The following EMC1 variants were observed in gnomAD, a reference collection of about 807,000 sequenced individuals.
EMC1 encodes the protein KIAA0090.
EMC1 carries 103 observed loss-of-function variants against 128.8 expected under a neutral mutation model. The observed-to-expected ratio is 0.80, with a 90% CI of 0.68 to 0.94. The LOEUF is 0.94. EMC1 is among the 40% of genes least tolerant of loss of function. EMC1 has a pLI of 0.00. For synonymous variants in EMC1, 442 were observed against 490.4 expected (o/e 0.90, Z 1.30); for missense variants, 1,083 against 1,250.6 (o/e 0.87, Z 2.02).
chr1:19,244,841 G>T, intron 2 of EMC1, 65 bp downstream of exon 2: 1 of 1,584,376 alleles, frequency 6.3e-7, no homozygotes, highest in Non-Finnish European at 8.7e-7. Context: ...CAGCCAGGCA[G>T]AGTTGGCAAT....
Position 19,219,316 on chromosome 1 carries a change from C to CG in EMC1, c.2968dup (p.Arg990ProfsTer12), listed in dbSNP as rs1558088196. The CG allele has an allele frequency of 6.2e-7, 1 of 1,613,992 alleles. No individual in the cohort carries two copies. Among genetic ancestry groups the CG allele is most frequent in the Admixed American group, 1.7e-5 (1 of 59,976 alleles). On this transcript the variant is annotated frameshift_variant, in exon 23 of 23. Coordinates refer to ENST00000477853, the MANE Select transcript of EMC1 (RefSeq NM_015047.3). LOFTEE classifies it high-confidence loss of function. ...AGTCTTTGTTCTTTATCGCCAGGCC[C>CG]GATTCAGGAGCTTCACCTGTGCCAG...
rs1244709866 is a variant in EMC1 at position 19,218,451 on chromosome 1, C to T, written c.*852G>A. On this transcript the variant is annotated 3_prime_UTR_variant, in exon 23 of 23. Transcript: ENST00000477853. ...AAATAATGGGGTTCTTAAACAAGGA[C>T]ATCTTTAACTAGGTTATGATTAGAC... is the stretch of plus-strand genomic sequence containing the variant. 6.6e-6 allele frequency: 1 copy of T among 152,170 alleles called. No individual in the cohort carries two copies. Among genetic ancestry groups the T allele is most frequent in the African/African-American group, 2.4e-5 (1 of 41,432 alleles). 9.4% of individuals were successfully genotyped at this position (152,170 alleles called of 1,614,324 possible). A position where few individuals can be genotyped will look rare whatever the true frequency, so the allele number is the denominator to read the frequency against.
intron 17 of EMC1, chr1:19,229,498 T>C (rs75097427): frequency 9.6e-4 from 147 of 152,332 alleles, no homozygotes; most frequent in African/African-American, 3.3e-3. Context: ...TTCACTCAGA[T>C]GATGTCCTCA....
intron 5 of EMC1, 78 bp from the exon 6 acceptor site, chr1:19,241,220 G>A: frequency 1.3e-6 from 2 of 1,536,566 alleles, no homozygotes; most frequent in Non-Finnish European, 1.8e-6. Context: ...CCAGGCCTCA[G>A]CCAGATGTCA....
chr1:19,224,286 C>T (rs1215776930), intron 18 of EMC1, among the ~76,000 whole-genome samples: 7 of 152,146 alleles, frequency 4.6e-5, no homozygotes, highest in Admixed American at 4.6e-4. Flanking sequence ...GTTGGCAATG[C>T]CCAATGTATA....
At chr1:19,241,412 T>C (rs541178634) in intron 5 of EMC1, among the ~76,000 whole-genome samples, 1 of 152,318 alleles carries the variant, frequency 6.6e-6, no homozygotes, top group African/African-American at 2.4e-5. Flanking sequence ...AGAGCACCAA[T>C]CAGGTGGGTA....
At chr1:19,239,198 T>G (rs1181914904) in intron 9 of EMC1, 33 bp downstream of exon 9, 17 of 1,592,954 alleles carry the variant, frequency 1.1e-5, no homozygotes, top group Non-Finnish European at 1.4e-5. Context: ...GGAAGGAAAA[T>G]CCCAAGTGCT....
intron 18 of EMC1, among the ~76,000 whole-genome samples, chr1:19,223,973 C>T (rs1310481851): frequency 1.3e-5 from 2 of 152,234 alleles, no homozygotes; most frequent in East Asian, 3.8e-4. Context: ...CCCCCCTCCC[C>T]ATCGCTAAAT....
chr1:19,237,026 G>A (rs1054088235), intron 12 of EMC1, 116 bp downstream of exon 12: 1 of 756,984 alleles, frequency 1.3e-6, no homozygotes, highest in Non-Finnish European at 2.4e-6. Flanking sequence ...AAACACTCAG[G>A]GCACACTCCA....
chr1:19,228,686 G>C (rs1211578384), intron 17 of EMC1, among the ~76,000 whole-genome samples: 1 of 151,898 alleles, frequency 6.6e-6, no homozygotes, highest in Admixed American at 6.6e-5. Context: ...CAATGAGGTA[G>C]AAAACCCATT....
intron 15 of EMC1, among the ~76,000 whole-genome samples, chr1:19,231,707 G>A (rs951872960): frequency 3.9e-5 from 6 of 152,112 alleles, no homozygotes; most frequent in African/African-American, 1.2e-4. Context: ...TGCAACCTCT[G>A]CCTCCCAGGT....
chr1:19,235,215 CAGGGACTCCTCACG>C lies in EMC1; in HGVS notation c.1333_1346del (p.Arg445GlyfsTer59). ...CCATCTCTAGGCACACCACTTCTGCCAGGGACTCCTCACGGCTCCACAGCACCACCTTCCCTGCT... is the reference window on the plus strand; with the variant it reads ...CCATCTCTAGGCACACCACTTCTGCCGCTCCACAGCACCACCTTCCCTGCT... On this transcript the variant is annotated frameshift_variant, in exon 13 of 23. Coordinates refer to ENST00000477853, the MANE Select transcript of EMC1 (RefSeq NM_015047.3). LOFTEE classifies it high-confidence loss of function. 6.2e-7 allele frequency: 1 copy of C among 1,613,778 alleles called. No homozygotes were observed. Among genetic ancestry groups the C allele is most frequent in the African/African-American group, 1.3e-5 (1 of 75,054 alleles).
At position 19,219,406 on chromosome 1, in the gene EMC1, T is replaced by G; in HGVS notation, c.2879A>C (p.Tyr960Ser). ...SKQFDVLKDD[Y>S]DYVLISSVLF... ...GACGCTGCTGATTAACACGTAGTCA[T>G]AGTCATCCTTCAGAACGTCAAACTG... is the stretch of plus-strand genomic sequence containing the variant. The change falls in exon 23 of 23, where the codon TAT becomes TCT. Residue 960 changes from tyrosine to serine, a missense_variant. Tyr to Ser is a moderately radical substitution (Grantham distance 144, BLOSUM62 -2). Around this residue, in one of 3 missense-constraint regions of EMC1, gnomAD observed 527 missense variants for 644.1 expected, o/e 0.82. Transcript: ENST00000477853. The G allele has an allele frequency of 6.2e-7, 1 of 1,614,028 alleles. No homozygotes were observed. Among genetic ancestry groups the G allele is most frequent in the Non-Finnish European group, 8.5e-7 (1 of 1,180,014 alleles).
intron 21 of EMC1, chr1:19,220,501 C>T (rs916150841): frequency 4.2e-5 from 12 of 285,818 alleles, no homozygotes; most frequent in African/African-American, 2.6e-4. Flanking sequence ...TCCCCACTTC[C>T]TAGCTCATTC....
intron 13 of EMC1, among the ~76,000 whole-genome samples, chr1:19,234,418 G>C (rs1402336801): frequency 6.6e-6 from 1 of 152,146 alleles, no homozygotes; most frequent in African/African-American, 2.4e-5. Context: ...AGGGCACTGG[G>C]CTGTTTCCAC....
At position 19,227,255 on chromosome 1, in the gene EMC1, C is replaced by T. The variant is rs2093482037; in HGVS notation, c.2202+58G>A. The T allele has an allele frequency of 3.8e-6, 6 of 1,598,356 alleles. No individual in the cohort carries two copies. The South Asian group carries it at 6.6e-5, about 18-fold the overall frequency. On this transcript the variant is annotated intron_variant, in intron 18 of 22. Transcript: ENST00000477853. ...CCAAGTCCTACAGCCAGACTTGAAG[C>T]CCTTGTTTTCCTGATTCGAAAGCCC...
chr1:19,227,256 C>T, intron 18 of EMC1, 57 bp downstream of exon 18: 1 of 1,602,318 alleles, frequency 6.2e-7, no homozygotes, highest in Non-Finnish European at 8.5e-7. Flanking sequence ...GACTTGAAGC[C>T]CTTGTTTTCC....
intron 5 of EMC1, 150 bp downstream of exon 5, chr1:19,242,195 C>T: frequency 1.3e-6 from 1 of 785,192 alleles, no homozygotes. Flanking sequence ...TACTCACAGC[C>T]TTCAAGATAT....
At chr1:19,224,411 C>T (rs569516199) in intron 18 of EMC1, among the ~76,000 whole-genome samples, 11 of 152,272 alleles carry the variant, frequency 7.2e-5, no homozygotes, top group African/African-American at 2.4e-4. Context: ...TGTTCTAACT[C>T]CTGCCTAAAA....
Sources: allele counts gnomAD v4.1 joint callset (sites outside exome capture counted in the v4.1 genomes callset), GRCh38; gene constraint gnomAD v4.1.1; regional missense constraint gnomAD v4.1.1; transcripts MANE v1.5; gene names NCBI Gene and HGNC (gene_info 2026-07-23, HGNC 2026-07-21).